The following CNTN1 variants were observed in gnomAD, a reference collection of about 807,000 sequenced individuals.
The protein encoded by CNTN1 is contactin 1.
Under a neutral mutation model 126.4 loss-of-function variants are expected in CNTN1, and 38 were observed. The ratio of observed to expected loss-of-function variants is 0.30; its 90% CI spans 0.23 to 0.39. The LOEUF is 0.39. Ranked by LOEUF, CNTN1 falls within the 10% of genes least tolerant of loss-of-function variation. CNTN1 has a pLI of 1.00. For synonymous variants in CNTN1, 413 were observed against 422.6 expected, an observed-to-expected ratio of 0.98 and a Z score of 0.28; for missense variants, 1,009 against 1,248.4, an observed-to-expected ratio of 0.81 and a Z score of 2.89.
chr12:40,921,185 A>T (rs1318370771), intron 4 of CNTN1, among the ~76,000 whole-genome samples: 1 of 152,198 alleles, frequency 6.6e-6, no homozygotes, highest in Non-Finnish European at 1.5e-5. Flanking sequence ...CGAAAATTGT[A>T]ACTAATAATG....
chr12:40,720,711 G>C (rs372192384), intron 1 of CNTN1, among the ~76,000 whole-genome samples: 1 of 151,938 alleles, frequency 6.6e-6, no homozygotes, highest in Non-Finnish European at 1.5e-5. Context: ...AGTGGATCAC[G>C]AGGTCAGGAG....
chr12:40,727,817 T>C (rs1490139525), intron 1 of CNTN1, among the ~76,000 whole-genome samples: 1 of 152,214 alleles, frequency 6.6e-6, no homozygotes, highest in East Asian at 1.9e-4. Context: ...AAGTGATTTA[T>C]TAAGGAAATA....
Position 40,836,670 on chromosome 12 carries a change from T to C in CNTN1, c.-76-71687T>C, listed in dbSNP as rs112854309. Among the ~76,000 whole-genome samples the C allele has an allele frequency of 3.0e-3, 454 of 152,270 alleles. 2 individuals are homozygous for C. Among genetic ancestry groups the C allele is most frequent in the African/African-American group, 0.01 (434 of 41,558 alleles). On this transcript the variant is annotated intron_variant, in intron 1 of 23. Transcript: ENST00000551295. ...AGAAATCAAAGGATACATAGGATAGTTTTTAAACTATTTAAGTATTTGTAT... is the reference window on the plus strand; with the variant it reads ...AGAAATCAAAGGATACATAGGATAGCTTTTAAACTATTTAAGTATTTGTAT...
At chr12:40,895,440 G>A (rs533681617) in intron 1 of CNTN1, among the ~76,000 whole-genome samples, 1 of 152,128 alleles carries the variant, frequency 6.6e-6, no homozygotes, top group Non-Finnish European at 1.5e-5. Flanking sequence ...TATCTGGTGA[G>A]AGCCTCCTTG....
intron 1 of CNTN1, among the ~76,000 whole-genome samples, chr12:40,750,686 G>A (rs947236555): frequency 1.3e-5 from 2 of 152,010 alleles, no homozygotes; most frequent in Non-Finnish European, 1.5e-5. Context: ...ATGGACACCA[G>A]TTGAGAATCA....
At chr12:40,856,946 A>G (rs188183051) in intron 1 of CNTN1, among the ~76,000 whole-genome samples, 3 of 151,480 alleles carry the variant, frequency 2.0e-5, no homozygotes, top group East Asian at 1.9e-4. Flanking sequence ...TCTCTCTCCA[A>G]TGTTTTACAA....
At chr12:40,866,237 C>G (rs1461563439) in intron 1 of CNTN1, among the ~76,000 whole-genome samples, 1 of 152,056 alleles carries the variant, frequency 6.6e-6, no homozygotes, top group Non-Finnish European at 1.5e-5. Flanking sequence ...TTTCTAAATA[C>G]AAGATTATGT....
intron 1 of CNTN1, among the ~76,000 whole-genome samples, chr12:40,894,375 T>C (rs1944336267): frequency 6.6e-6 from 1 of 152,172 alleles, no homozygotes; most frequent in African/African-American, 2.4e-5. Flanking sequence ...TGAATGTTGA[T>C]TTAAACTGTG....
intron 1 of CNTN1, among the ~76,000 whole-genome samples, chr12:40,789,848 T>C (rs541204514): frequency 3.3e-5 from 5 of 152,286 alleles, no homozygotes; most frequent in African/African-American, 1.2e-4. Context: ...CTTAAAATAA[T>C]TGTATTATCA....
intron 1 of CNTN1, among the ~76,000 whole-genome samples, chr12:40,725,144 G>A (rs566780204): frequency 6.6e-6 from 1 of 152,150 alleles, no homozygotes; most frequent in Non-Finnish European, 1.5e-5. Context: ...GCTCATGCCT[G>A]TAATCCCAGC....
At chr12:40,994,798 T>C (rs1479965402) in intron 17 of CNTN1, among the ~76,000 whole-genome samples, 1 of 152,004 alleles carries the variant, frequency 6.6e-6, no homozygotes, top group African/African-American at 2.4e-5. Flanking sequence ...ATATCTAGTA[T>C]CATAGTTAAG....
intron 1 of CNTN1, among the ~76,000 whole-genome samples, chr12:40,872,059 C>T (rs550927371): frequency 2.2e-4 from 34 of 152,098 alleles, no homozygotes; most frequent in South Asian, 1.2e-3. Flanking sequence ...GAAGTTACCT[C>T]GGAAGTCATC....
Position 41,072,005 on chromosome 12 carries a change from G to C in CNTN1, c.*1970G>C, listed in dbSNP as rs1950166855. ...GATTTTGCATGAAATGGTTCTGAAA[G>C]GTAAGAGGAAAACAGACTTTGGAGG... On this transcript the variant is annotated 3_prime_UTR_variant, in exon 24 of 24. Transcript: ENST00000551295. 6.6e-6 allele frequency: 1 copy of C among 152,110 alleles called. No individual in the cohort carries two copies. Among genetic ancestry groups the C allele is most frequent in the African/African-American group, 2.4e-5 (1 of 41,432 alleles). The allele number at this position is 152,110 out of a possible 1,614,324, so 9.4% of individuals were successfully genotyped here.
chr12:41,010,247 T>C (rs1429825723), intron 17 of CNTN1, among the ~76,000 whole-genome samples: 1 of 152,176 alleles, frequency 6.6e-6, no homozygotes, highest in Non-Finnish European at 1.5e-5. Context: ...TTGGACAATC[T>C]GTGAGACTGG....
intron 1 of CNTN1, among the ~76,000 whole-genome samples, chr12:40,856,898 G>C (rs1942931554): frequency 6.6e-6 from 1 of 151,860 alleles, no homozygotes; most frequent in African/African-American, 2.4e-5. Flanking sequence ...TAATCAGAAT[G>C]ACATTCAGGA....
chr12:40,865,264 T>A (rs1592176604), intron 1 of CNTN1, among the ~76,000 whole-genome samples: 1 of 152,168 alleles, frequency 6.6e-6, no homozygotes, highest in African/African-American at 2.4e-5. Context: ...ATTAGATATA[T>A]GTCTTGCAAA....
chr12:40,858,981 G>C (rs1040981617), intron 1 of CNTN1, among the ~76,000 whole-genome samples: 7 of 152,076 alleles, frequency 4.6e-5, no homozygotes, highest in African/African-American at 1.7e-4. Context: ...CTGTCAGAGG[G>C]TGGGGTTGGG....
intron 7 of CNTN1, 67 bp downstream of exon 7, chr12:40,930,069 G>C: frequency 8.1e-7 from 1 of 1,240,718 alleles, no homozygotes; most frequent in Non-Finnish European, 1.2e-6. Flanking sequence ...TTACCGTAAT[G>C]AAAAGAAATA....
chr12:41,032,533 C>T (rs1382976459), intron 23 of CNTN1, among the ~76,000 whole-genome samples: 1 of 152,148 alleles, frequency 6.6e-6, no homozygotes, highest in Non-Finnish European at 1.5e-5. Context: ...CTTGAACACA[C>T]CAGTGTTATC....
Sources: gnomAD v4.1 joint callset for allele counts (sites outside exome capture counted in the v4.1 genomes callset) on GRCh38, gnomAD v4.1.1 for gene constraint, MANE v1.5 for transcripts, NCBI Gene and HGNC (gene_info 2026-07-23, HGNC 2026-07-21) for gene names.